PDE10A: variants seen among roughly 807,000 people sequenced by gnomAD.
The protein encoded by PDE10A is cAMP and cAMP-inhibited cGMP 3',5'-cyclic phosphodiesterase 10A.
A neutral mutation model predicts 97.7 loss-of-function variants in PDE10A; 39 were observed. The ratio of observed to expected loss-of-function variants is 0.40; its 90% CI spans 0.31 to 0.52. The LOEUF (loss-of-function observed/expected upper bound fraction) is 0.52. PDE10A is among the 20% of genes least tolerant of loss of function. The pLI, the probability that PDE10A is intolerant of heterozygous loss-of-function variation, is 0.56. For synonymous variants in PDE10A, 371 were observed against 376.8 expected, an observed-to-expected ratio of 0.98 and a Z score of 0.18; for missense variants, 731 against 1,047.8, an observed-to-expected ratio of 0.70 and a Z score of 4.17.
rs141172779 is a variant in PDE10A, at chr6:165,928,617, C to T, written c.-615+58912G>A. 8.5e-5 allele frequency among the ~76,000 whole-genome samples: 13 copies of T among 152,308 alleles called. No individual in the cohort carries two copies. The East Asian group carries it at 2.3e-3, about 27-fold the overall frequency. ...GGGGACATTTCCTGGAAAGCATCCA[C>T]TCTACAGGAAATAAAAGGCAAAGCT... On this transcript the variant is annotated intron_variant, in intron 1 of 19. Coordinates refer to the PDE10A transcript ENST00000366882.
At chr6:165,508,528 T>C (rs565430430) in intron 2 of PDE10A, among the ~76,000 whole-genome samples, 46 of 152,164 alleles carry the variant, frequency 3.0e-4, no homozygotes, top group Non-Finnish European at 4.1e-4. Flanking sequence ...CAGGCTTTCA[T>C]TTATCTTCAG....
chr6:165,342,476 T>C (rs527464014), intron 19 of PDE10A, among the ~76,000 whole-genome samples: 2 of 152,382 alleles, frequency 1.3e-5, no homozygotes, highest in South Asian at 4.1e-4. Flanking sequence ...ACTCAAGGTC[T>C]GTGATCCTCA....
intron 3 of PDE10A, among the ~76,000 whole-genome samples, chr6:165,453,082 G>A (rs200330640): frequency 6.6e-6 from 1 of 152,170 alleles, no homozygotes; most frequent in East Asian, 1.9e-4. Flanking sequence ...CAAAGAACTT[G>A]ACTGATCTGT....
rs573652430 is a variant in PDE10A, at chr6:165,487,210, G to A, written c.995-4867C>T. On this transcript the variant is annotated intron_variant, in intron 2 of 21. Coordinates refer to ENST00000539869, the MANE Select transcript of PDE10A (RefSeq NM_001385079.1). ...TGAAAGTCCAGGTAGAATATCCTGA[G>A]GTTGCCACAAAAGCACTGAAAAGCC... Among the ~76,000 whole-genome samples, 6 of 152,300 alleles carry A rather than the reference G, an allele frequency of 3.9e-5. No homozygotes were observed. The East Asian group carries it at 7.7e-4, about 20-fold the overall frequency.
At chr6:165,699,301 A>G (rs1274328032) in intron 1 of PDE10A, among the ~76,000 whole-genome samples, 4 of 152,226 alleles carry the variant, frequency 2.6e-5, no homozygotes, top group Non-Finnish European at 4.4e-5. Context: ...TTTGACATTT[A>G]TAAAGATATG....
chr6:165,910,419 C>A (rs1334550423), intron 1 of PDE10A, among the ~76,000 whole-genome samples: 2 of 152,202 alleles, frequency 1.3e-5, no homozygotes, highest in East Asian at 3.8e-4. Flanking sequence ...GCTGACAAAT[C>A]TGCAAAGTAC....
intron 2 of PDE10A, among the ~76,000 whole-genome samples, chr6:165,492,341 T>C (rs1433231790): frequency 6.6e-6 from 1 of 152,144 alleles, no homozygotes; most frequent in East Asian, 1.9e-4. Flanking sequence ...GAGGGAATTC[T>C]CCCTAAATCA....
chr6:165,575,484 T>C (rs2128349150), intron 1 of PDE10A, among the ~76,000 whole-genome samples: 2 of 152,340 alleles, frequency 1.3e-5, no homozygotes, highest in South Asian at 4.1e-4. Context: ...TGGCTCTCTT[T>C]TTTGGTTCTT....
chr6:165,521,793 G>A (rs1782143112), intron 2 of PDE10A, among the ~76,000 whole-genome samples: 1 of 152,178 alleles, frequency 6.6e-6, no homozygotes, highest in Admixed American at 6.5e-5. Context: ...TCAATGTGAA[G>A]CAGGAAGAGC....
intron 1 of PDE10A, among the ~76,000 whole-genome samples, chr6:165,975,890 T>C (rs1784831802): frequency 6.6e-6 from 1 of 152,242 alleles, no homozygotes; most frequent in South Asian, 2.1e-4. Context: ...GGTAGAGCTG[T>C]TCCCAGCACC....
At chr6:165,813,612 G>C (rs2874945) in intron 1 of PDE10A, among the ~76,000 whole-genome samples, 3 of 151,968 alleles carry the variant, frequency 2.0e-5, no homozygotes, top group Admixed American at 1.3e-4. Context: ...ATCTGTAAAC[G>C]GTAAGGTAAT....
At chr6:165,517,582 A>G (rs555596913) in intron 2 of PDE10A, among the ~76,000 whole-genome samples, 29 of 152,206 alleles carry the variant, frequency 1.9e-4, no homozygotes, top group Non-Finnish European at 3.5e-4. Flanking sequence ...AGCAATAACA[A>G]GGAACACACA....
At chr6:165,970,446 A>G (rs1030154268) in intron 1 of PDE10A, among the ~76,000 whole-genome samples, 18 of 152,162 alleles carry the variant, frequency 1.2e-4, no homozygotes, top group Non-Finnish European at 1.5e-5. Flanking sequence ...AATGGTTCAG[A>G]CAAAAAAATT....
chr6:165,646,350 C>G (rs1171836507), intron 1 of PDE10A, among the ~76,000 whole-genome samples: 1 of 152,182 alleles, frequency 6.6e-6, no homozygotes, highest in African/African-American at 2.4e-5. Context: ...GTGGGCAATT[C>G]AAGAAAATTC....
chr6:165,861,437 G>T (rs573593415), intron 1 of PDE10A, among the ~76,000 whole-genome samples: 2 of 151,892 alleles, frequency 1.3e-5, no homozygotes, highest in African/African-American at 2.4e-5. Flanking sequence ...GGATGGAGGG[G>T]TGTGCTGTCA....
chr6:165,929,927 G>A (rs9457121), intron 1 of PDE10A, among the ~76,000 whole-genome samples: 1 of 151,782 alleles, frequency 6.6e-6, no homozygotes, highest in Admixed American at 6.6e-5. Context: ...GTGTGAGGGT[G>A]GCAGGTGGGA....
chr6:165,974,246 C>G (rs538112107), intron 1 of PDE10A, among the ~76,000 whole-genome samples: 2 of 152,282 alleles, frequency 1.3e-5, no homozygotes, highest in African/African-American at 4.8e-5. Flanking sequence ...TGGTCATGGG[C>G]CTTCTACACA....
chr6:165,684,148 C>G (rs1791052352), intron 1 of PDE10A, among the ~76,000 whole-genome samples: 1 of 152,176 alleles, frequency 6.6e-6, no homozygotes, highest in Non-Finnish European at 1.5e-5. Flanking sequence ...TCCCCTGCCT[C>G]CTTCTTGTCT....
At chr6:165,787,727 G>C (rs1469740557) in intron 1 of PDE10A, among the ~76,000 whole-genome samples, 1 of 152,082 alleles carries the variant, frequency 6.6e-6, no homozygotes, top group Non-Finnish European at 1.5e-5. Flanking sequence ...CTGTGTGCCA[G>C]GCAACCTGCA....
Sources: gnomAD v4.1 joint callset for allele counts (sites outside exome capture counted in the v4.1 genomes callset) on GRCh38, gnomAD v4.1.1 for gene constraint, MANE v1.5 for transcripts, NCBI Gene and HGNC (gene_info 2026-07-23, HGNC 2026-07-21) for gene names.